EVL: variants seen among roughly 807,000 people sequenced by gnomAD.
The protein encoded by EVL is Enah/Vasp-like.
In EVL, 21 loss-of-function variants were observed where a neutral mutation model predicts 59.6. The observed-to-expected ratio is 0.35, with a 90% CI of 0.25 to 0.51. The LOEUF is 0.51. Among genes scored for constraint, EVL ranks in the 20% least tolerant of loss-of-function variants. The probability of loss-of-function intolerance (pLI) is 0.97; values close to 1 mark genes in which losing one functional copy is unlikely to be tolerated. For missense variants in EVL, 462 were observed against 546.6 expected (o/e 0.85, Z 1.54); for synonymous variants, 198 against 203.5 (o/e 0.97, Z 0.23).
intron 3 of EVL, among the ~76,000 whole-genome samples, chr14:100,113,335 G>C (rs1476832364): frequency 6.6e-6 from 1 of 152,184 alleles, no homozygotes; most frequent in Admixed American, 6.5e-5. Context: ...AGGTCAAAGA[G>C]CAAGTGAGAG....
At position 100,143,695 on chromosome 14, in the gene EVL, C is replaced by T; in HGVS notation, c.1220-6C>T. 6.2e-7 allele frequency: 1 copy of T among 1,612,058 alleles called. No individual in the cohort carries two copies. The highest frequency in any genetic ancestry group is 8.5e-7 in the Non-Finnish European group (1 of 1,179,902). On this transcript the variant is annotated splice_polypyrimidine_tract_variant and splice_region_variant and intron_variant, in intron 13 of 13. Transcript: ENST00000392920. ...TGCACCTGAGCCGCCGCCACCTGTCCCGCAGCCATCAGGCAGGAGCTGAGT... is the reference window on the plus strand; with the variant it reads ...TGCACCTGAGCCGCCGCCACCTGTCTCGCAGCCATCAGGCAGGAGCTGAGT...
chr14:100,133,938 AAAAAC>A (rs1429144874), intron 8 of EVL, among the ~76,000 whole-genome samples: 2 of 151,666 alleles, frequency 1.3e-5, no homozygotes, highest in Admixed American at 6.5e-5. Context: ...ACTCCGTCTC[AAAAAC>A]AAAACAAACA....
At chr14:100,007,015 G>A (rs765336106) in intron 1 of EVL, among the ~76,000 whole-genome samples, 5 of 152,000 alleles carry the variant, frequency 3.3e-5, no homozygotes, top group Non-Finnish European at 5.9e-5. Flanking sequence ...GAATCCTTTC[G>A]TGGTTACCAG....
intron 1 of EVL, among the ~76,000 whole-genome samples, chr14:100,075,660 C>T (rs2062145037): frequency 6.6e-6 from 1 of 152,150 alleles, no homozygotes; most frequent in Non-Finnish European, 1.5e-5. Context: ...TCCAGAAGCC[C>T]ACAGTCTCAG....
At chr14:100,118,944 C>T (rs909261051) in intron 3 of EVL, among the ~76,000 whole-genome samples, 1 of 152,236 alleles carries the variant, frequency 6.6e-6, no homozygotes, top group African/African-American at 2.4e-5. Context: ...CACAGTCCAG[C>T]GGGCCCTGGA....
Position 100,026,047 on chromosome 14 carries a change from C to T in EVL, c.5+53990C>T, listed in dbSNP as rs541183954. ...GGATAGATTGCTTGAGCCCAGGAGC[C>T]CCAGATCAGCCTGGGTAACATGGCG... On this transcript the variant is annotated intron_variant, in intron 1 of 13. Transcript: ENST00000402714. Among the ~76,000 whole-genome samples the T allele has an allele frequency of 2.2e-4, 34 of 151,854 alleles. 1 individual carries two copies. In the South Asian group the frequency reaches 6.7e-3, roughly 30 times the overall value.
chr14:100,132,380 C>A (rs1231741693), intron 7 of EVL, among the ~76,000 whole-genome samples: 1 of 152,036 alleles, frequency 6.6e-6, no homozygotes, highest in Non-Finnish European at 1.5e-5. Flanking sequence ...TGTGGCCAGG[C>A]CTTCAGTGTC....
intron 1 of EVL, among the ~76,000 whole-genome samples, chr14:99,982,556 A>G (rs1376472687): frequency 1.3e-5 from 2 of 152,176 alleles, no homozygotes; most frequent in African/African-American, 4.8e-5. Flanking sequence ...ATCAGGAGAG[A>G]GAAGTAAATG....
chr14:100,084,682 G>A lies in EVL; in HGVS notation c.12-5G>A, dbSNP rs780473280. On this transcript the variant is annotated splice_region_variant and splice_polypyrimidine_tract_variant and intron_variant, in intron 1 of 13. Transcript: ENST00000392920. ...GGCTGACACCAGTTTTTTCTTGCTC[G>A]GCAGTGAACAGAGTATCTGCCAAGC... 1.3e-5 allele frequency: 21 copies of A among 1,611,756 alleles called. No homozygotes were observed. Among genetic ancestry groups the A allele is most frequent in the East Asian group, 2.2e-5 (1 of 44,810 alleles).
At chr14:100,031,639 C>T (rs2061316344) in intron 1 of EVL, among the ~76,000 whole-genome samples, 1 of 152,182 alleles carries the variant, frequency 6.6e-6, no homozygotes, top group Non-Finnish European at 1.5e-5. Context: ...AGTGACTAGT[C>T]ACTGGGCTCT....
intron 1 of EVL, among the ~76,000 whole-genome samples, chr14:99,998,492 G>A (rs187923000): frequency 9.6e-4 from 146 of 152,108 alleles, no homozygotes; most frequent in African/African-American, 3.2e-3. Flanking sequence ...TATGCTGGGA[G>A]GAGATACATA....
At chr14:100,027,442 T>A (rs746468339) in intron 1 of EVL, among the ~76,000 whole-genome samples, 5 of 152,138 alleles carry the variant, frequency 3.3e-5, no homozygotes, top group Non-Finnish European at 5.9e-5. Context: ...ATCATTCTAC[T>A]CTCTATCTCC....
rs1379774654 is a variant in EVL at position 100,047,114 on chromosome 14, C to CTTTTTT, written c.6-37572_6-37571insTTTTTT. ...ATTTTGAGACCTTGGGCAGATCTCTCTCTCTTTTTTTTTTTTTTTTTTTTT... is the reference window on the plus strand; with the variant it reads ...ATTTTGAGACCTTGGGCAGATCTCTCTTTTTTTCTCTTTTTTTTTTTTTTTTTTTTT... On this transcript the variant is annotated intron_variant, in intron 1 of 13. Coordinates refer to the EVL transcript ENST00000402714. 2.3e-3 allele frequency among the ~76,000 whole-genome samples: 218 copies of CTTTTTT among 95,086 alleles called. 21 individuals carry two copies. Among genetic ancestry groups the CTTTTTT allele is most frequent in the African/African-American group, 5.7e-3 (137 of 23,996 alleles). 62.4% of individuals were successfully genotyped at this position (95,086 alleles called of 152,430 possible).
intron 1 of EVL, chr14:100,019,683 T>C: frequency 6.5e-7 from 1 of 1,533,550 alleles, no homozygotes; most frequent in Non-Finnish European, 8.7e-7. Context: ...ATTTGAAGAA[T>C]TCAGGTATGT....
intron 1 of EVL, among the ~76,000 whole-genome samples, chr14:99,981,644 A>AT (rs1425505615): frequency 6.6e-6 from 1 of 152,112 alleles, no homozygotes; most frequent in Non-Finnish European, 1.5e-5. Context: ...AGTCACATGA[A>AT]TTTTTTTGTT....
intron 1 of EVL, among the ~76,000 whole-genome samples, chr14:99,988,058 G>GCATGCA (rs1459422117): frequency 1.3e-5 from 2 of 151,848 alleles, no homozygotes; most frequent in African/African-American, 4.8e-5. Flanking sequence ...GGGATTACAG[G>GCATGCA]CATGCACCAC....
At chr14:100,099,085 A>T (rs1173380266) in intron 3 of EVL, among the ~76,000 whole-genome samples, 2 of 151,396 alleles carry the variant, frequency 1.3e-5, no homozygotes, top group Non-Finnish European at 2.9e-5. Context: ...GCTCAGGCCT[A>T]TAATCCTAAC....
At chr14:100,067,333 C>T (rs1014726260) in intron 1 of EVL, among the ~76,000 whole-genome samples, 4 of 152,226 alleles carry the variant, frequency 2.6e-5, no homozygotes, top group African/African-American at 9.6e-5. Flanking sequence ...CTTACCAGCT[C>T]TAGCTCTGGC....
chr14:99,971,737 C>G (rs2060733485), exon 1 of EVL: 1 of 144,486 alleles, frequency 6.9e-6, no homozygotes, highest in Non-Finnish European at 1.5e-5. Context: ...CCGGCTCGCC[C>G]CCCGCCCCCC....
Sources: allele counts gnomAD v4.1 joint callset (sites outside exome capture counted in the v4.1 genomes callset), GRCh38; gene constraint gnomAD v4.1.1; transcripts MANE v1.5; gene names NCBI Gene and HGNC (gene_info 2026-07-23, HGNC 2026-07-21).